SGK3: variants seen among roughly 807,000 people sequenced by gnomAD.
SGK3 encodes serine/threonine-protein kinase Sgk3.
Under a neutral mutation model 68.5 loss-of-function variants are expected in SGK3, and 47 were observed. The observed-to-expected ratio is 0.69, with a 90% CI of 0.54 to 0.87. The LOEUF is 0.87. SGK3 is among the 40% of genes least tolerant of loss of function. SGK3 has a pLI of 0.00. For missense variants in SGK3, 479 were observed against 575.5 expected (o/e 0.83, Z 1.72); for synonymous variants, 181 against 189.1 (o/e 0.96, Z 0.35).
chr8:66,774,155 T>C (rs1806607030), intron 1 of SGK3, among the ~76,000 whole-genome samples: 1 of 152,182 alleles, frequency 6.6e-6, no homozygotes, highest in African/African-American at 2.4e-5. Context: ...CTAAATCCCC[T>C]CGTTTTACTG....
chr8:66,744,513 ATATATATTTTTTTTTTTTT>A (rs1805581360), intron 1 of SGK3, among the ~76,000 whole-genome samples: 1 of 25,854 alleles, frequency 3.9e-5, no homozygotes. Context: ...ATATATATAT[ATATATATTTTTTTTTTTTT>A]TTTTTTTTTT....
intron 1 of SGK3, among the ~76,000 whole-genome samples, chr8:66,784,582 T>C (rs1807123665): frequency 6.6e-6 from 1 of 152,144 alleles, no homozygotes; most frequent in Non-Finnish European, 1.5e-5. Flanking sequence ...TCTTTTGACT[T>C]TTTTTATATA....
At chr8:66,779,593 TATATATATAA>T (rs1418744576) in intron 1 of SGK3, among the ~76,000 whole-genome samples, 4 of 125,668 alleles carry the variant, frequency 3.2e-5, no homozygotes, top group South Asian at 2.4e-4. Flanking sequence ...TATATATATA[TATATATATAA>T]AACACATTTT....
Position 66,793,732 on chromosome 8 carries a change from A to T in SGK3, c.-5A>T, listed in dbSNP as rs759313083. 15 of 1,612,090 alleles carry T rather than the reference A, an allele frequency of 9.3e-6. No individual in the cohort carries two copies. In the African/African-American group the frequency reaches 1.6e-4, roughly 17 times the overall value. ...GCATTTTTTGGTGTGCTCTTGAGGG[A>T]TTAAATGCAAAGAGATCACACCATG... On this transcript the variant is annotated 5_prime_UTR_variant, in exon 2 of 17. Transcript: ENST00000521198.
intron 6 of SGK3, among the ~76,000 whole-genome samples, chr8:66,826,733 C>T (rs376193411): frequency 1.1e-4 from 16 of 152,204 alleles, no homozygotes; most frequent in South Asian, 6.2e-4. Context: ...CAACCTCTGC[C>T]TCATGAGTTC....
chr8:66,749,485 G>A (rs1204827247), intron 1 of SGK3, among the ~76,000 whole-genome samples: 3 of 152,014 alleles, frequency 2.0e-5, no homozygotes, highest in Non-Finnish European at 4.4e-5. Flanking sequence ...CTAGTTTTTC[G>A]CTAGTACGAA....
In SGK3 at chr8:66,859,933, T is replaced by G. The variant is rs1810689657; in HGVS notation, c.*352T>G. ...AGATAGACTGTTTTTTAACAGTCAA[T>G]TTCAGTTCAGCTAACATATATTAAT... On this transcript the variant is annotated 3_prime_UTR_variant, in exon 17 of 17. Coordinates refer to ENST00000521198, the MANE Select transcript of SGK3 (RefSeq NM_001033578.3). 5.9e-6 allele frequency: 1 copy of G among 169,654 alleles called. No homozygotes were observed. The highest frequency in any genetic ancestry group is 2.4e-5 in the African/African-American group (1 of 42,006). 10.5% of individuals were successfully genotyped at this position (169,654 alleles called of 1,614,324 possible).
At chr8:66,839,690 ATCT>A (rs1809719314) in intron 10 of SGK3, 1 of 231,164 alleles carries the variant, frequency 4.3e-6, no homozygotes, top group East Asian at 1.0e-4. Context: ...AAGATCGTTG[ATCT>A]TCATCGATAA....
intron 1 of SGK3, among the ~76,000 whole-genome samples, chr8:66,787,677 C>T (rs897969071): frequency 6.6e-5 from 10 of 152,144 alleles, no homozygotes; most frequent in Admixed American, 4.6e-4. Context: ...GACTGACATC[C>T]GTAAGACAAG....
chr8:66,810,791 A>G (rs1467392485), intron 4 of SGK3, among the ~76,000 whole-genome samples: 1 of 152,052 alleles, frequency 6.6e-6, no homozygotes, highest in Admixed American at 6.6e-5. Flanking sequence ...TAGCCATTCT[A>G]TGGGGTTTTT....
chr8:66,814,309 T>C (rs1808495232), intron 5 of SGK3, among the ~76,000 whole-genome samples: 1 of 152,108 alleles, frequency 6.6e-6, no homozygotes, highest in Non-Finnish European at 1.5e-5. Context: ...GCTCCCAGTG[T>C]AGTGGGCAAA....
intron 8 of SGK3, among the ~76,000 whole-genome samples, chr8:66,832,258 A>G (rs1206822673): frequency 1.3e-5 from 2 of 152,238 alleles, no homozygotes; most frequent in Admixed American, 1.3e-4. Flanking sequence ...TTAACAGGAA[A>G]GTATCATAGA....
chr8:66,735,726 A>AT lies in SGK3; in HGVS notation c.-122+22900dup, dbSNP rs559686779. Among the ~76,000 whole-genome samples the AT allele has an allele frequency of 2.5e-4, 38 of 152,180 alleles. 1 individual carries two copies. In the South Asian group the frequency reaches 7.3e-3, roughly 29 times the overall value. On this transcript the variant is annotated intron_variant, in intron 1 of 16. Coordinates refer to ENST00000521198, the MANE Select transcript of SGK3 (RefSeq NM_001033578.3). The stretch of plus-strand genomic sequence containing the variant: ...CTTGACATTTTCACATTAAAAAGCC[A>AT]TTTTTTTCAAATGTCATTGAATTGT...
chr8:66,803,825 T>G (rs1808049002), intron 3 of SGK3, among the ~76,000 whole-genome samples: 1 of 152,040 alleles, frequency 6.6e-6, no homozygotes, highest in Non-Finnish European at 1.5e-5. Context: ...CCTGGCTTTT[T>G]TTTTTATTTT....
chr8:66,729,104 A>T (rs1265382250), intron 1 of SGK3, among the ~76,000 whole-genome samples: 2 of 151,808 alleles, frequency 1.3e-5, no homozygotes, highest in African/African-American at 4.8e-5. Flanking sequence ...CTGTAGTCCC[A>T]GCTACTTGGG....
At chr8:66,756,022 G>A (rs541607670) in intron 1 of SGK3, among the ~76,000 whole-genome samples, 7 of 152,256 alleles carry the variant, frequency 4.6e-5, no homozygotes, top group South Asian at 2.1e-4. Flanking sequence ...GACTGTGACT[G>A]TATTTGGAGA....
intron 1 of SGK3, among the ~76,000 whole-genome samples, chr8:66,784,155 C>G (rs1807105313): frequency 6.6e-6 from 1 of 152,126 alleles, no homozygotes; most frequent in Non-Finnish European, 1.5e-5. Context: ...TCCGCCTTAG[C>G]CTCTCAAAGT....
At chr8:66,848,738 T>G (rs1417435917) in intron 15 of SGK3, among the ~76,000 whole-genome samples, 2 of 152,238 alleles carry the variant, frequency 1.3e-5, no homozygotes, top group East Asian at 3.8e-4. Context: ...TCAAATCTGT[T>G]GCTTCTTAAG....
intron 1 of SGK3, among the ~76,000 whole-genome samples, chr8:66,726,801 TAAAAA>T (rs560794837): frequency 1.4e-4 from 11 of 80,974 alleles, no homozygotes; most frequent in Admixed American, 1.4e-4. Flanking sequence ...ACCCTGTCTG[TAAAAA>T]AAAAAAAAAA....
Sources: gnomAD v4.1 joint callset for allele counts (sites outside exome capture counted in the v4.1 genomes callset) on GRCh38, gnomAD v4.1.1 for gene constraint, MANE v1.5 for transcripts, NCBI Gene and HGNC (gene_info 2026-07-23, HGNC 2026-07-21) for gene names.